FAM107A: variants seen among roughly 807,000 people sequenced by gnomAD.
The protein encoded by FAM107A is actin-associated protein FAM107A.
A neutral mutation model predicts 13.7 loss-of-function variants in FAM107A; 19 were observed. The ratio of observed to expected loss-of-function variants is 1.38; its 90% CI spans 0.97 to 2.03. FAM107A has a LOEUF of 2.03. FAM107A is among the 30% of genes most tolerant of loss of function. FAM107A has a pLI of 0.00. For missense variants in FAM107A, 203 were observed against 184.4 expected (o/e 1.10, Z -0.58); for synonymous variants, 82 against 74.5 (o/e 1.10, Z -0.52).
chr3:58,582,817 T>C (rs980422031), intron 1 of FAM107A, among the ~76,000 whole-genome samples: 1 of 152,208 alleles, frequency 6.6e-6, no homozygotes, highest in Non-Finnish European at 1.5e-5. Flanking sequence ...TTTGTTTGTT[T>C]GAGACAGAGT....
intron 1 of FAM107A, chr3:58,586,726 G>T: frequency 1.0e-6 from 1 of 963,648 alleles, no homozygotes; most frequent in South Asian, 2.2e-5. Flanking sequence ...AAAGAATGAC[G>T]GAAGGTTAGG....
intron 1 of FAM107A, among the ~76,000 whole-genome samples, chr3:58,584,977 T>G (rs1453832563): frequency 6.6e-6 from 1 of 152,254 alleles, no homozygotes; most frequent in Non-Finnish European, 1.5e-5. Flanking sequence ...TTTTGTCCAA[T>G]TCTTTGTTCA....
intron 1 of FAM107A, among the ~76,000 whole-genome samples, chr3:58,593,739 C>T (rs1575449177): frequency 1.3e-5 from 2 of 152,090 alleles, no homozygotes; most frequent in Admixed American, 6.6e-5. Flanking sequence ...TTAGCATTTC[C>T]GTTTCTTCCT....
In FAM107A at chr3:58,613,527, C is replaced by T. The variant is rs2065873861; in HGVS notation, c.-70+13889G>A. On this transcript the variant is annotated intron_variant, in intron 1 of 3. Coordinates refer to the FAM107A transcript ENST00000465970. The surrounding 1 kb of genome is among the most constrained non-coding windows in gnomAD (Gnocchi z 4.6). ...CTGCTGCTCTGGCCTGACCAACTTG[C>T]TCTCAGTGCCCTGAGTGCCAGCAAG... 6.6e-6 allele frequency among the ~76,000 whole-genome samples: 1 copy of T among 152,226 alleles called. No homozygotes were observed. Among genetic ancestry groups the T allele is most frequent in the African/African-American group, 2.4e-5 (1 of 41,462 alleles).
At chr3:58,596,025 A>G (rs2065704530) in intron 1 of FAM107A, among the ~76,000 whole-genome samples, 1 of 152,252 alleles carries the variant, frequency 6.6e-6, no homozygotes, top group Non-Finnish European at 1.5e-5. Context: ...CATAAATTCC[A>G]GAGGAAATAC....
At chr3:58,573,869 G>C (rs962832421) in intron 1 of FAM107A, among the ~76,000 whole-genome samples, 6 of 152,204 alleles carry the variant, frequency 3.9e-5, no homozygotes, top group Non-Finnish European at 8.8e-5. Context: ...GTTTCCCACT[G>C]AACAGCAGAG....
upstream of FAM107A, among the ~76,000 whole-genome samples, chr3:58,590,666 T>C (rs2065647767): frequency 6.6e-6 from 1 of 152,110 alleles, no homozygotes; most frequent in South Asian, 2.1e-4. Flanking sequence ...CGCAAGGAAG[T>C]GCCACACTTT....
intron 1 of FAM107A, among the ~76,000 whole-genome samples, chr3:58,615,520 A>G (rs1454303526): frequency 6.6e-6 from 1 of 152,208 alleles, no homozygotes; most frequent in African/African-American, 2.4e-5. Context: ...TAAATAACCA[A>G]AGAAGGTAAT....
chr3:58,586,681 G>A (rs2065609359), intron 1 of FAM107A, among the ~76,000 whole-genome samples: 2 of 152,204 alleles, frequency 1.3e-5, no homozygotes, highest in Non-Finnish European at 2.9e-5. Context: ...CGGGGAGAAA[G>A]AATGAGACCC....
At chr3:58,607,352 G>A (rs1026665733) in intron 1 of FAM107A, among the ~76,000 whole-genome samples, 1 of 152,194 alleles carries the variant, frequency 6.6e-6, no homozygotes, top group Non-Finnish European at 1.5e-5. Flanking sequence ...GGGTGAGGAT[G>A]TTGTTGAGGA....
Position 58,569,835 on chromosome 3 carries a change from C to T in FAM107A, c.26G>A (p.Arg9Gln), listed in dbSNP as rs746537453. The part of the protein sequence containing the change: MYSEIQRE[R>Q]ADIGGLMARP... Reference sequence around the variant, plus strand: ...GGCCATCAGGCCCCCAATGTCTGCCCGCTCCCTCTGGATCTCCGAGTACAT... The same window carrying T: ...GGCCATCAGGCCCCCAATGTCTGCCTGCTCCCTCTGGATCTCCGAGTACAT... Residue 9 changes from arginine to glutamine, a missense_variant, in exon 2 of 4, where the codon CGG becomes CAG. By Grantham distance (43) the Arg-to-Gln change is conservative. Transcript: ENST00000360997. The surrounding 1 kb of genome is among the most constrained non-coding windows in gnomAD (Gnocchi z 5.7). 8.7e-6 allele frequency: 14 copies of T among 1,614,042 alleles called. No individual in the cohort carries two copies. The highest frequency in any genetic ancestry group is 1.6e-4 in the Middle Eastern group (1 of 6,062).
intron 1 of FAM107A, among the ~76,000 whole-genome samples, chr3:58,598,215 A>G (rs999955269): frequency 3.9e-5 from 6 of 152,236 alleles, no homozygotes; most frequent in African/African-American, 1.4e-4. Context: ...CCAGGGATGG[A>G]GAGAATCAGA....
chr3:58,612,577 C>A (rs1265220324), intron 1 of FAM107A, among the ~76,000 whole-genome samples: 2 of 149,736 alleles, frequency 1.3e-5, no homozygotes, highest in Non-Finnish European at 3.0e-5. Flanking sequence ...GAGAGAGAGA[C>A]CCTGAAAAAA....
At chr3:58,624,599 G>A (rs1313474856) in intron 1 of FAM107A, among the ~76,000 whole-genome samples, 1 of 152,218 alleles carries the variant, frequency 6.6e-6, no homozygotes, top group Non-Finnish European at 1.5e-5. Flanking sequence ...GTGGCTCCAA[G>A]GGTGGGCTCT....
intron 1 of FAM107A, among the ~76,000 whole-genome samples, chr3:58,614,879 C>A (rs1344854048): frequency 6.6e-6 from 1 of 152,166 alleles, no homozygotes; most frequent in Admixed American, 6.5e-5. Context: ...GATCTTGGCT[C>A]ACTGCAACCT....
intron 2 of FAM107A, 50 bp from the exon 3 acceptor site, chr3:58,567,414 C>T: frequency 6.4e-7 from 1 of 1,564,466 alleles, no homozygotes; most frequent in South Asian, 1.2e-5. Flanking sequence ...TTCCCGCTTC[C>T]CCCAGCCTCA....
chr3:58,615,145 G>A (rs1423082420), intron 1 of FAM107A, among the ~76,000 whole-genome samples: 1 of 152,204 alleles, frequency 6.6e-6, no homozygotes, highest in East Asian at 1.9e-4. Flanking sequence ...TTTTCTAGAT[G>A]TTTCTTAAAG....
chr3:58,624,310 C>A (rs1458062021), intron 1 of FAM107A, among the ~76,000 whole-genome samples: 1 of 152,214 alleles, frequency 6.6e-6, no homozygotes, highest in African/African-American at 2.4e-5. Flanking sequence ...CCAGGGTACC[C>A]ACCTTGGTGC....
intron 2 of FAM107A, 83 bp from the exon 3 acceptor site, chr3:58,567,447 C>T: frequency 7.1e-7 from 1 of 1,414,134 alleles, no homozygotes; most frequent in South Asian, 1.3e-5. Context: ...GCGGTGACAC[C>T]AACCCCCATT....
Sources: gnomAD v4.1 joint callset for allele counts (sites outside exome capture counted in the v4.1 genomes callset) on GRCh38, gnomAD v4.1.1 for gene constraint, Gnocchi (gnomAD v3.1) non-coding constraint, MANE v1.5 for transcripts, NCBI Gene and HGNC (gene_info 2026-07-23, HGNC 2026-07-21) for gene names.